UBTD1: variants seen among roughly 807,000 people sequenced by gnomAD.
UBTD1 encodes the protein ubiquitin domain-containing protein 1.
Under a neutral mutation model 21.7 loss-of-function variants are expected in UBTD1, and 19 were observed. The observed-to-expected ratio is 0.87, with a 90% CI of 0.61 to 1.28. The LOEUF is 1.28. Ranked by LOEUF, UBTD1 falls within the 50% of genes most tolerant of loss-of-function variation. The pLI is 0.00. For missense variants in UBTD1, 282 were observed against 315.1 expected (o/e 0.89, Z 0.80); for synonymous variants, 116 against 135.1 (o/e 0.86, Z 0.98).
chr10:97,513,651 A>G (rs1005729808), intron 1 of UBTD1, among the ~76,000 whole-genome samples: 3 of 152,232 alleles, frequency 2.0e-5, no homozygotes, highest in African/African-American at 7.2e-5. Context: ...AGAAAGCTCA[A>G]AGAAGAAAAT....
intron 1 of UBTD1, among the ~76,000 whole-genome samples, chr10:97,558,479 T>A (rs1341015643): frequency 6.6e-6 from 1 of 152,204 alleles, no homozygotes; most frequent in Non-Finnish European, 1.5e-5. Flanking sequence ...GGGGGCAGCC[T>A]TTGGAAACCC....
intron 1 of UBTD1, among the ~76,000 whole-genome samples, chr10:97,522,808 C>T (rs529221204): frequency 1.3e-5 from 2 of 152,160 alleles, no homozygotes; most frequent in South Asian, 4.1e-4. Context: ...GACAAAGCAG[C>T]TTGGAAGAGG....
intron 1 of UBTD1, among the ~76,000 whole-genome samples, chr10:97,554,741 G>A (rs1477850780): frequency 1.3e-5 from 2 of 151,928 alleles, no homozygotes; most frequent in Admixed American, 6.6e-5. Context: ...TTGTAGAGAC[G>A]AGTGGTCTTG....
At chr10:97,567,301 G>A (rs1047565927) in intron 1 of UBTD1, among the ~76,000 whole-genome samples, 3 of 150,560 alleles carry the variant, frequency 2.0e-5, no homozygotes, top group African/African-American at 4.9e-5. Context: ...TAGAACTGCC[G>A]GGCTCAAGCA....
intron 1 of UBTD1, among the ~76,000 whole-genome samples, chr10:97,506,151 T>C (rs2040398858): frequency 6.6e-6 from 1 of 152,158 alleles, no homozygotes; most frequent in Non-Finnish European, 1.5e-5. Context: ...GGGAGGGACC[T>C]AGTGGTGGGC....
intron 1 of UBTD1, among the ~76,000 whole-genome samples, chr10:97,528,360 C>G (rs1300122897): frequency 8.3e-6 from 1 of 120,096 alleles, no homozygotes; most frequent in Non-Finnish European, 1.8e-5. Flanking sequence ...CTGACCCCCC[C>G]ACCTCCCTCC....
At chr10:97,528,371 C>T (rs1365969953) in intron 1 of UBTD1, among the ~76,000 whole-genome samples, 1 of 111,092 alleles carries the variant, frequency 9.0e-6, no homozygotes, top group Non-Finnish European at 1.9e-5. Flanking sequence ...ACCTCCCTCC[C>T]GGACAGGGCG....
chr10:97,529,300 G>T (rs1034266078), intron 1 of UBTD1, among the ~76,000 whole-genome samples: 2 of 151,510 alleles, frequency 1.3e-5, no homozygotes, highest in African/African-American at 4.9e-5. Flanking sequence ...AGGCAAAGGG[G>T]CTCCTCACAT....
intron 1 of UBTD1, among the ~76,000 whole-genome samples, chr10:97,563,779 C>T (rs374716031): frequency 2.6e-5 from 4 of 152,070 alleles, no homozygotes; most frequent in East Asian, 1.9e-4. Flanking sequence ...GACAAGTTTT[C>T]GGGGTGCAGT....
intron 1 of UBTD1, among the ~76,000 whole-genome samples, chr10:97,548,963 C>G (rs923196072): frequency 6.6e-6 from 1 of 152,190 alleles, no homozygotes; most frequent in Non-Finnish European, 1.5e-5. Flanking sequence ...AGGCTGGACT[C>G]ACGGACCAGA....
intron 1 of UBTD1, among the ~76,000 whole-genome samples, chr10:97,515,502 C>A (rs990208062): frequency 6.6e-6 from 1 of 152,142 alleles, no homozygotes. Context: ...CTGAATCCAG[C>A]TTAAGCAAAA....
chr10:97,566,947 A>T (rs756174608), intron 1 of UBTD1, among the ~76,000 whole-genome samples: 30 of 152,206 alleles, frequency 2.0e-4, no homozygotes, highest in Non-Finnish European at 4.0e-4. Flanking sequence ...AACAAGAAAA[A>T]TGACATTTGA....
intron 1 of UBTD1, among the ~76,000 whole-genome samples, chr10:97,509,433 C>T (rs547431216): frequency 1.3e-5 from 2 of 152,284 alleles, no homozygotes; most frequent in East Asian, 1.9e-4. Flanking sequence ...CACAGCACGG[C>T]GCCCACACAC....
chr10:97,552,774 G>A (rs2040646349), intron 1 of UBTD1, among the ~76,000 whole-genome samples: 1 of 152,256 alleles, frequency 6.6e-6, no homozygotes, highest in Admixed American at 6.5e-5. Context: ...TTCACTGTAT[G>A]GTGGACGTTT....
chr10:97,539,114 G>A (rs1052329150), intron 1 of UBTD1, among the ~76,000 whole-genome samples: 1 of 152,150 alleles, frequency 6.6e-6, no homozygotes, highest in Admixed American at 6.6e-5. Flanking sequence ...CAGCACAAGC[G>A]GGTTTCTCTT....
At chr10:97,540,737 T>G (rs376378379) in intron 1 of UBTD1, among the ~76,000 whole-genome samples, 1 of 152,222 alleles carries the variant, frequency 6.6e-6, no homozygotes, top group African/African-American at 2.4e-5. Flanking sequence ...ACTGCTTATC[T>G]GGGTCCAGGC....
chr10:97,511,121 C>T (rs1348522523), intron 1 of UBTD1, among the ~76,000 whole-genome samples: 3 of 152,148 alleles, frequency 2.0e-5, no homozygotes, highest in Non-Finnish European at 4.4e-5. Flanking sequence ...CACATCAGAG[C>T]CTCTTTCGCA....
chr10:97,524,575 A>G (rs1481483983), intron 1 of UBTD1, among the ~76,000 whole-genome samples: 3 of 152,130 alleles, frequency 2.0e-5, no homozygotes, highest in African/African-American at 7.2e-5. Flanking sequence ...TGCTCACCCT[A>G]TGAAGGCAGG....
chr10:97,514,678 T>A (rs2040437193), intron 1 of UBTD1, among the ~76,000 whole-genome samples: 1 of 152,052 alleles, frequency 6.6e-6, no homozygotes, highest in Non-Finnish European at 1.5e-5. Flanking sequence ...TTCATTGCCC[T>A]CTCTGTGTAA....
Sources: allele counts gnomAD v4.1 joint callset (sites outside exome capture counted in the v4.1 genomes callset), GRCh38; gene constraint gnomAD v4.1.1; transcripts MANE v1.5; gene names NCBI Gene and HGNC (gene_info 2026-07-23, HGNC 2026-07-21).